IL5RA: variants seen among roughly 807,000 people sequenced by gnomAD.
IL5RA encodes interleukin 5 receptor subunit alpha, also known as interleukin-5 receptor subunit alpha.
A neutral mutation model predicts 50.0 loss-of-function variants in IL5RA; 49 were observed. The ratio of observed to expected loss-of-function variants is 0.98; its 90% confidence interval spans 0.78 to 1.24. IL5RA has a LOEUF of 1.24. Ranked by LOEUF, IL5RA falls within the 50% of genes most tolerant of loss-of-function variation. The pLI is 0.00. For missense variants in IL5RA, 600 were observed against 500.4 expected (o/e 1.20, Z -1.90); for synonymous variants, 202 against 174.0 (o/e 1.16, Z -1.26).
chr3:3,092,418 C>G lies in IL5RA; in HGVS notation c.856-56G>C, dbSNP rs1466744516. 3.2e-6 allele frequency: 5 copies of G among 1,546,288 alleles called. No homozygotes were observed. Among genetic ancestry groups the G allele is most frequent in the Non-Finnish European group, 4.4e-6 (5 of 1,131,164 alleles). ...CTCTAGACACCTAATTTAGTTCTGC[C>G]GATTATCAGAATGGGAGGTCCTATA... is the stretch of plus-strand genomic sequence containing the variant. On this transcript the variant is annotated intron_variant, in intron 8 of 11. Coordinates refer to ENST00000446632, the MANE Select transcript of IL5RA (RefSeq NM_175726.4). The surrounding 1 kb of genome is among the most constrained non-coding windows in gnomAD (Gnocchi z 4.2).
chr3:3,082,801 A>T (rs2125961119), intron 9 of IL5RA, among the ~76,000 whole-genome samples: 1 of 152,298 alleles, frequency 6.6e-6, no homozygotes, highest in South Asian at 2.1e-4. Flanking sequence ...TCTATGATGT[A>T]TGAAGTTTAG....
chr3:3,098,471 G>T (rs549458841), intron 5 of IL5RA, among the ~76,000 whole-genome samples, 181 bp from the exon 6 acceptor site: 30 of 152,126 alleles, frequency 2.0e-4, no homozygotes, highest in Non-Finnish European at 3.7e-4. Flanking sequence ...GCAGTGTTGC[G>T]ATCTTGGCTC....
intron 5 of IL5RA, 80 bp downstream of exon 5, chr3:3,101,612 G>T: frequency 7.1e-7 from 1 of 1,403,640 alleles, no homozygotes; most frequent in South Asian, 1.3e-5. Flanking sequence ...AAAGAAAAGT[G>T]GGTTAGTGTT....
intron 9 of IL5RA, among the ~76,000 whole-genome samples, chr3:3,077,674 C>T (rs946507175): frequency 2.0e-5 from 3 of 152,134 alleles, no homozygotes; most frequent in African/African-American, 7.2e-5. Context: ...GAGGCCGAGG[C>T]ACAAAATCGC....
At chr3:3,083,105 C>T (rs377057241) in intron 9 of IL5RA, among the ~76,000 whole-genome samples, 1 of 152,144 alleles carries the variant, frequency 6.6e-6, no homozygotes, top group South Asian at 2.1e-4. Context: ...TAACTAGCTT[C>T]CTGTGACTTG....
At position 3,098,172 on chromosome 3, in the gene IL5RA, A is replaced by T; in HGVS notation, c.486T>A (p.Asp162Glu). ...SLHCTWLVGT[D>E]APEDTQYFLY... ...GAAAATACTGCGTGTCCTCAGGGGC[A>T]TCTGTGCCAACAAGCCAGGTGCAGT... is the stretch of plus-strand genomic sequence containing the variant. The change falls in exon 6 of 12, where the codon GAT becomes GAA. Residue 162 changes from aspartate to glutamate, a missense_variant. Asp to Glu is a conservative substitution (Grantham distance 45). Coordinates refer to ENST00000446632, the MANE Select transcript of IL5RA (RefSeq NM_175726.4). 2.5e-6 allele frequency: 4 copies of T among 1,614,198 alleles called. No homozygotes were observed. The highest frequency in any genetic ancestry group is 3.4e-6 in the Non-Finnish European group (4 of 1,180,038).
intron 9 of IL5RA, chr3:3,089,872 C>CATTAAAAAA: frequency 6.1e-5 from 11 of 180,920 alleles, no homozygotes; most frequent in South Asian, 3.8e-4. Flanking sequence ...CTCGGCCTCC[C>CATTAAAAAA]AAAGTGCTGG....
At chr3:3,071,978 T>C (rs895935232) in intron 11 of IL5RA, among the ~76,000 whole-genome samples, 3 of 152,214 alleles carry the variant, frequency 2.0e-5, no homozygotes, top group Middle Eastern at 3.2e-3. Flanking sequence ...CCTGGGACTT[T>C]GGGCACCCAC....
rs1702240218 is a variant in IL5RA, at chr3:3,069,922, G to A, written c.*303C>T. ...GCTGTCTGTTGTGAATGAAAAGTCT[G>A]AGGTGAGTCAAGCAAATTGCAAAGA... On this transcript the variant is annotated 3_prime_UTR_variant, in exon 12 of 12. Transcript: ENST00000446632. The A allele has an allele frequency of 4.1e-6, 1 of 246,794 alleles. No homozygotes were observed. The highest frequency in any genetic ancestry group is 7.7e-6 in the Non-Finnish European group (1 of 130,154). The allele number at this position is 246,794 out of a possible 1,614,324, so 15.3% of individuals were successfully genotyped here. A position where few individuals can be genotyped will look rare whatever the true frequency, so the allele number is the denominator to read the frequency against.
At chr3:3,082,536 T>G (rs1294375668) in intron 9 of IL5RA, among the ~76,000 whole-genome samples, 1 of 152,246 alleles carries the variant, frequency 6.6e-6, no homozygotes, top group East Asian at 1.9e-4. Flanking sequence ...AGTTGTCTGG[T>G]GTCTGGGGAC....
At chr3:3,104,833 A>C in intron 3 of IL5RA, 70 bp downstream of exon 3, 1 of 946,872 alleles carries the variant, frequency 1.1e-6, no homozygotes, top group South Asian at 1.4e-5. Context: ...GTTTAAGAGG[A>C]AATAATGTTA....
chr3:3,081,379 A>T (rs1285104801), intron 9 of IL5RA, among the ~76,000 whole-genome samples: 1 of 152,234 alleles, frequency 6.6e-6, no homozygotes, highest in East Asian at 1.9e-4. Context: ...TTATGCAAGT[A>T]TTCTGACAAC....
At chr3:3,089,668 G>A (rs531971410) in intron 9 of IL5RA, among the ~76,000 whole-genome samples, 6 of 149,954 alleles carry the variant, frequency 4.0e-5, no homozygotes, top group South Asian at 4.2e-4. Flanking sequence ...TTGAGATGTC[G>A]CCCAGGCTGG....
At chr3:3,079,004 T>G (rs900048991) in intron 9 of IL5RA, among the ~76,000 whole-genome samples, 1 of 152,162 alleles carries the variant, frequency 6.6e-6, no homozygotes, top group African/African-American at 2.4e-5. Flanking sequence ...AGACTGTGTA[T>G]AGTTGAGCCC....
chr3:3,087,832 A>G (rs1192329098), intron 9 of IL5RA, among the ~76,000 whole-genome samples: 2 of 152,202 alleles, frequency 1.3e-5, no homozygotes, highest in African/African-American at 4.8e-5. Context: ...TCCTCAAGGG[A>G]TAAAAAAGAG....
intron 11 of IL5RA, 73 bp from the exon 12 acceptor site, chr3:3,070,384 C>A (rs1387925881): frequency 5.9e-6 from 5 of 849,008 alleles, no homozygotes; most frequent in Non-Finnish European, 7.8e-6. Context: ...TTACAATTGG[C>A]TTTAAGTCTA....
At chr3:3,075,495 C>G (rs896747936) in intron 10 of IL5RA, among the ~76,000 whole-genome samples, 2 of 151,802 alleles carry the variant, frequency 1.3e-5, no homozygotes, top group Non-Finnish European at 2.9e-5. Flanking sequence ...GAGTCACCAT[C>G]CCCAGCCGAG....
Position 3,070,102 on chromosome 3 carries a change from T to C in IL5RA, c.*123A>G. 2 of 685,294 alleles carry C rather than the reference T, an allele frequency of 2.9e-6. No homozygotes were observed. The highest frequency in any genetic ancestry group is 5.2e-5 in the East Asian group (2 of 38,654). The allele number at this position is 685,294 out of a possible 1,614,324, so 42.5% of individuals were successfully genotyped here. A position where few individuals can be genotyped will look rare whatever the true frequency, so the allele number is the denominator to read the frequency against. The stretch of plus-strand genomic sequence containing the variant: ...AGACTGGTGTGTCTGGGTGTATTGC[T>C]TCGCAGGTAAATTGAGTGTTGCCTA... On this transcript the variant is annotated 3_prime_UTR_variant, in exon 12 of 12. Coordinates refer to ENST00000446632, the MANE Select transcript of IL5RA (RefSeq NM_175726.4).
At chr3:3,080,951 C>T (rs1702644277) in intron 9 of IL5RA, among the ~76,000 whole-genome samples, 1 of 152,210 alleles carries the variant, frequency 6.6e-6, no homozygotes, top group Non-Finnish European at 1.5e-5. Context: ...CCACTTTGGC[C>T]TCCCAAAGTG....
Sources: gnomAD v4.1 joint callset for allele counts (sites outside exome capture counted in the v4.1 genomes callset) on GRCh38, gnomAD v4.1.1 for gene constraint, Gnocchi (gnomAD v3.1) non-coding constraint, MANE v1.5 for transcripts, NCBI Gene and HGNC (gene_info 2026-07-23, HGNC 2026-07-21) for gene names.